The following CEP57 variants were observed in gnomAD, a reference collection of about 807,000 sequenced individuals.
CEP57 encodes the protein centrosomal protein of 57 kDa.
CEP57 carries 40 observed loss-of-function variants against 68.0 expected under a neutral mutation model. The ratio of observed to expected loss-of-function variants is 0.59; its 90% CI spans 0.46 to 0.77. The LOEUF is 0.77. Ranked by LOEUF, CEP57 falls within the 30% of genes least tolerant of loss-of-function variation. CEP57 has a pLI of 0.00. For missense variants in CEP57, 606 were observed against 580.7 expected (o/e 1.04, Z -0.45); for synonymous variants, 219 against 198.7 (o/e 1.10, Z -0.86).
At chr11:95,814,778 A>G (rs11603711) in intron 4 of CEP57, among the ~76,000 whole-genome samples, 1 of 152,164 alleles carries the variant, frequency 6.6e-6, no homozygotes, top group Non-Finnish European at 1.5e-5. Context: ...TATATGCTTA[A>G]CATTATGCTA....
chr11:95,795,686 A>G (rs545812121), intron 1 of CEP57: 9 of 430,652 alleles, frequency 2.1e-5, no homozygotes, highest in African/African-American at 1.6e-4. Flanking sequence ...TTAAAAAATA[A>G]TGGCTGGATG....
At chr11:95,812,899 T>TA (rs953434975) in intron 2 of CEP57, 33 bp from the exon 3 acceptor site, 3 of 1,595,720 alleles carry the variant, frequency 1.9e-6, no homozygotes, top group Non-Finnish European at 2.6e-6. Context: ...CATATGCTGT[T>TA]ACAGCATCCA....
chr11:95,802,412 A>AC (rs1408647610), intron 2 of CEP57, among the ~76,000 whole-genome samples: 2 of 151,852 alleles, frequency 1.3e-5, no homozygotes, highest in Non-Finnish European at 2.9e-5. Context: ...ATGCCACCAC[A>AC]CCTGGCTAAT....
At chr11:95,792,451 G>A (rs1861131460) in intron 1 of CEP57, among the ~76,000 whole-genome samples, 1 of 152,210 alleles carries the variant, frequency 6.6e-6, no homozygotes, top group African/African-American at 2.4e-5. Flanking sequence ...CTGCTCTCCA[G>A]CCTGGGCGAC....
chr11:95,803,821 C>T (rs978091355), intron 2 of CEP57, among the ~76,000 whole-genome samples: 2 of 150,970 alleles, frequency 1.3e-5, no homozygotes, highest in Admixed American at 6.6e-5. Flanking sequence ...TTTGATGTTT[C>T]GGACAAAAGT....
At chr11:95,800,747 C>T (rs576910576) in intron 2 of CEP57, among the ~76,000 whole-genome samples, 7 of 151,722 alleles carry the variant, frequency 4.6e-5, no homozygotes, top group South Asian at 2.1e-4. Flanking sequence ...CTAACCACAG[C>T]GGGAGAAAAT....
At chr11:95,824,607 T>C (rs1279067868) in intron 8 of CEP57, among the ~76,000 whole-genome samples, 2 of 152,078 alleles carry the variant, frequency 1.3e-5, no homozygotes, top group Middle Eastern at 3.4e-3. Flanking sequence ...ATTAAGAAAA[T>C]CATTGAGGAG....
intron 10 of CEP57, 40 bp from the exon 11 acceptor site, chr11:95,830,986 A>G (rs1449975973): frequency 1.3e-6 from 2 of 1,487,460 alleles, no homozygotes; most frequent in African/African-American, 2.8e-5. Context: ...TATTTTCATT[A>G]AATTCTCCTT....
In CEP57 at chr11:95,827,960, A is replaced by G; in HGVS notation, c.1060A>G (p.Asn354Asp). 6.2e-7 allele frequency: 1 copy of G among 1,614,018 alleles called. No individual in the cohort carries two copies. Among genetic ancestry groups the G allele is most frequent in the Non-Finnish European group, 8.5e-7 (1 of 1,179,918 alleles). ...KKLSVTPPSS[N>D]GINEELSEVL... ...GTTGTCAGTAACACCTCCCTCCTCC[A>G]ACGGTATTAATGAGGAGTTGTCAGA... The change falls in exon 9 of 11, where the codon AAC (asparagine) becomes GAC (aspartate). Residue 354 changes from asparagine to aspartate, a missense_variant. Transcript: ENST00000325542.
At chr11:95,791,062 G>A (rs1271423232) in intron 1 of CEP57, among the ~76,000 whole-genome samples, 2 of 152,196 alleles carry the variant, frequency 1.3e-5, no homozygotes, top group East Asian at 3.8e-4. Context: ...CTGCAAAAAT[G>A]TAGCTCTTTT....
At position 95,790,535 on chromosome 11, in the gene CEP57, G is replaced by C. The variant is rs1860971170; in HGVS notation, c.-164G>C. On this transcript the variant is annotated 5_prime_UTR_variant, in exon 1 of 11. Coordinates refer to ENST00000325542, the MANE Select transcript of CEP57 (RefSeq NM_014679.5). ...GCTGTGAGCGTAGGCGGCCCTGAGG[G>C]GGTGTGTTGCAGGGGTTTCCAAGCC... 2.7e-6 allele frequency: 2 copies of C among 731,734 alleles called. No individual in the cohort carries two copies. The highest frequency in any genetic ancestry group is 4.9e-5 in the Admixed American group (2 of 40,816). The allele number at this position is 731,734 out of a possible 1,614,324, so 45.3% of individuals were successfully genotyped here.
intron 8 of CEP57, chr11:95,826,851 A>G (rs922389931): frequency 3.3e-5 from 5 of 152,248 alleles, no homozygotes; most frequent in Non-Finnish European, 7.3e-5. Flanking sequence ...CATTGATGTA[A>G]TAAACTCCCA....
At chr11:95,813,213 A>G (rs944343969) in intron 3 of CEP57, 102 bp downstream of exon 3, 23 of 1,212,840 alleles carry the variant, frequency 1.9e-5, no homozygotes, top group Non-Finnish European at 2.6e-5. Flanking sequence ...CGGTATCTTC[A>G]AGTACTACAA....
chr11:95,790,354 G>A (rs1235607944), upstream of CEP57: 3 of 432,246 alleles, frequency 6.9e-6, no homozygotes, highest in Non-Finnish European at 1.3e-5. Flanking sequence ...GAGCCGGCCT[G>A]TAACCCCGGC....
rs777958057 is a variant in CEP57 at position 95,828,057 on chromosome 11, G to A, written c.1127+30G>A. 5.0e-6 allele frequency: 8 copies of A among 1,597,168 alleles called. No homozygotes were observed. The East Asian group carries it at 1.8e-4, about 36-fold the overall frequency. ...GTTTTTGTTTTTTTTTTTAAATTCA[G>A]TTTAGCTCTAAAACCTCATTTTTTA... On this transcript the variant is annotated intron_variant, in intron 9 of 10. Coordinates refer to ENST00000325542, the MANE Select transcript of CEP57 (RefSeq NM_014679.5).
At chr11:95,791,108 G>A (rs915730988) in intron 1 of CEP57, among the ~76,000 whole-genome samples, 6 of 152,164 alleles carry the variant, frequency 3.9e-5, no homozygotes, top group African/African-American at 1.4e-4. Flanking sequence ...TAGGAAACTC[G>A]CCAGATCAGG....
Position 95,832,201 on chromosome 11 carries a change from T to TAA in CEP57, c.*947_*948dup, listed in dbSNP as rs1863033838. On this transcript the variant is annotated 3_prime_UTR_variant, in exon 11 of 11. Coordinates refer to ENST00000325542, the MANE Select transcript of CEP57 (RefSeq NM_014679.5). ...AAGACATGTTAACCTTTTATAAATT[T>TAA]AAAGTCAATAAAGCACCTTTTTAAA... is the stretch of plus-strand genomic sequence containing the variant. 2 of 152,260 alleles carry TAA rather than the reference T, an allele frequency of 1.3e-5. No homozygotes were observed. Among genetic ancestry groups the TAA allele is most frequent in the African/African-American group, 4.8e-5 (2 of 41,572 alleles). The allele number at this position is 152,260 out of a possible 1,614,324, so 9.4% of individuals were successfully genotyped here.
At chr11:95,828,182 C>A (rs1177133415) in intron 9 of CEP57, among the ~76,000 whole-genome samples, 155 bp downstream of exon 9, 3 of 152,180 alleles carry the variant, frequency 2.0e-5, no homozygotes, top group East Asian at 1.9e-4. Context: ...TTAACAAATA[C>A]AACTAATAAG....
intron 1 of CEP57, among the ~76,000 whole-genome samples, chr11:95,793,062 A>G (rs944310621): frequency 2.0e-5 from 3 of 152,250 alleles, no homozygotes; most frequent in Admixed American, 2.0e-4. Flanking sequence ...AGTTATAAGT[A>G]CATTGAGATG....
Sources: allele counts gnomAD v4.1 joint callset (sites outside exome capture counted in the v4.1 genomes callset), GRCh38; gene constraint gnomAD v4.1.1; transcripts MANE v1.5; gene names NCBI Gene and HGNC (gene_info 2026-07-23, HGNC 2026-07-21).